The following GRM1 variants were observed in gnomAD, a reference collection of about 807,000 sequenced individuals.
GRM1 encodes metabotropic glutamate receptor 1.
In GRM1, 33 loss-of-function variants were observed where a neutral mutation model predicts 90.9. The ratio of observed to expected loss-of-function variants is 0.36; its 90% confidence interval spans 0.28 to 0.49. The LOEUF is 0.49. GRM1 is among the 20% of genes least tolerant of loss of function. The pLI, the probability that GRM1 is intolerant of heterozygous loss-of-function variation, is 0.99. For synonymous variants in GRM1, 700 were observed against 613.2 expected (o/e 1.14, Z -2.09); for missense variants, 1,190 against 1,534.3 (o/e 0.78, Z 3.75).
chr6:146,405,511 T>C (rs1253573538), intron 7 of GRM1, among the ~76,000 whole-genome samples: 1 of 152,206 alleles, frequency 6.6e-6, no homozygotes, highest in African/African-American at 2.4e-5. Context: ...AAAAGATGTG[T>C]ATTTTCTCAC....
intron 2 of GRM1, among the ~76,000 whole-genome samples, chr6:146,227,227 C>T (rs1186723012): frequency 1.3e-5 from 2 of 150,986 alleles, no homozygotes; most frequent in Non-Finnish European, 3.0e-5. Flanking sequence ...TATCTACACA[C>T]ATACACACAC....
intron 3 of GRM1, among the ~76,000 whole-genome samples, chr6:146,328,094 C>T (rs114326824): frequency 7.9e-5 from 12 of 152,268 alleles, no homozygotes; most frequent in African/African-American, 2.6e-4. Context: ...TTAGCCACAT[C>T]TGTCTATAGT....
intron 3 of GRM1, among the ~76,000 whole-genome samples, chr6:146,349,256 T>A (rs13210347): frequency 1.2e-4 from 17 of 142,652 alleles, no homozygotes; most frequent in Non-Finnish European, 1.5e-4. Context: ...ATTTTTTTTT[T>A]ATTTTTAGTA....
At chr6:146,216,989 T>C (rs1779893835) in intron 2 of GRM1, among the ~76,000 whole-genome samples, 1 of 152,146 alleles carries the variant, frequency 6.6e-6, no homozygotes, top group African/African-American at 2.4e-5. Context: ...GAACAAAGAT[T>C]ATTTATTGAG....
chr6:146,429,764 A>G (rs1292072976), intron 7 of GRM1, among the ~76,000 whole-genome samples: 1 of 152,012 alleles, frequency 6.6e-6, no homozygotes, highest in African/African-American at 2.4e-5. Context: ...GCTGGGACTC[A>G]ATGGTGTTTT....
chr6:146,140,127 TTC>T (rs1322489964), intron 1 of GRM1, among the ~76,000 whole-genome samples: 1 of 140,292 alleles, frequency 7.1e-6, no homozygotes, highest in Non-Finnish European at 1.5e-5. Flanking sequence ...CTTTCTTTCT[TTC>T]TTTCTTTCTT....
At chr6:146,307,732 T>C (rs1010905658) in intron 3 of GRM1, among the ~76,000 whole-genome samples, 9 of 152,294 alleles carry the variant, frequency 5.9e-5, no homozygotes, top group African/African-American at 2.2e-4. Context: ...ATTGGGTCAC[T>C]TCTAGTGGTT....
intron 2 of GRM1, among the ~76,000 whole-genome samples, chr6:146,295,727 A>G (rs1783153852): frequency 6.6e-6 from 1 of 152,048 alleles, no homozygotes; most frequent in Non-Finnish European, 1.5e-5. Flanking sequence ...TAGTGGGCAT[A>G]TTTTCTTTTT....
At chr6:146,120,812 T>A (rs921168430) in intron 1 of GRM1, among the ~76,000 whole-genome samples, 3 of 152,176 alleles carry the variant, frequency 2.0e-5, no homozygotes, top group Non-Finnish European at 2.9e-5. Context: ...TGGATAAGCT[T>A]TTTGATGGCT....
At chr6:146,404,260 C>A (rs1479175006) in intron 7 of GRM1, among the ~76,000 whole-genome samples, 3 of 152,004 alleles carry the variant, frequency 2.0e-5, no homozygotes, top group Non-Finnish European at 4.4e-5. Context: ...TTTATGTAAT[C>A]AATCATTGTT....
intron 1 of GRM1, among the ~76,000 whole-genome samples, chr6:146,142,912 C>A (rs1329187399): frequency 6.6e-6 from 1 of 152,184 alleles, no homozygotes; most frequent in African/African-American, 2.4e-5. Context: ...GGTACTTAGG[C>A]TGCAACACAA....
intron 2 of GRM1, among the ~76,000 whole-genome samples, chr6:146,216,190 T>A (rs979658206): frequency 1.3e-5 from 2 of 152,236 alleles, no homozygotes; most frequent in Non-Finnish European, 2.9e-5. Context: ...GTATTAGATT[T>A]GTCCAGTTGA....
Position 146,152,755 on chromosome 6 carries a change from G to A in GRM1, c.701-6593G>A, listed in dbSNP as rs543679334. Among the ~76,000 whole-genome samples the A allele has an allele frequency of 2.7e-3, 415 of 152,288 alleles. 1 individual carries two copies. The highest frequency in any genetic ancestry group is 9.6e-3 in the African/African-American group (399 of 41,562). On this transcript the variant is annotated intron_variant, in intron 1 of 7. Transcript: ENST00000282753. ...AACATTTCTTGGCAACTCTTAAAGG[G>A]CAGAGCACAGGGAATTTTTCAGGTT...
chr6:146,301,590 C>T (rs1783383461), intron 2 of GRM1, among the ~76,000 whole-genome samples: 1 of 152,130 alleles, frequency 6.6e-6, no homozygotes. Context: ...TAGGGAGAAA[C>T]ACACTTCAAC....
chr6:146,345,441 G>A (rs1381348953), intron 3 of GRM1, among the ~76,000 whole-genome samples: 1 of 152,178 alleles, frequency 6.6e-6, no homozygotes, highest in Non-Finnish European at 1.5e-5. Flanking sequence ...TTGGTTACCA[G>A]AAGATGTTAC....
At chr6:146,089,570 A>G (rs947090649) in intron 1 of GRM1, among the ~76,000 whole-genome samples, 2 of 152,180 alleles carry the variant, frequency 1.3e-5, no homozygotes, top group African/African-American at 4.8e-5. Flanking sequence ...TATTTTTGCC[A>G]CGGAAACAAT....
chr6:146,187,749 A>G (rs1428285315), intron 2 of GRM1, among the ~76,000 whole-genome samples: 1 of 151,638 alleles, frequency 6.6e-6, no homozygotes, highest in Non-Finnish European at 1.5e-5. Flanking sequence ...ATATATATAT[A>G]TATATAAAAT....
intron 1 of GRM1, among the ~76,000 whole-genome samples, chr6:146,089,320 G>C (rs1318292530): frequency 6.6e-6 from 1 of 152,090 alleles, no homozygotes; most frequent in African/African-American, 2.4e-5. Flanking sequence ...CCAGCAAACT[G>C]AGTGAGTCTG....
chr6:146,408,412 A>G (rs1777435237), intron 7 of GRM1, among the ~76,000 whole-genome samples: 1 of 152,166 alleles, frequency 6.6e-6, no homozygotes, highest in South Asian at 2.1e-4. Context: ...ATAAAAATGG[A>G]TAATAATAGT....
Sources: allele counts gnomAD v4.1 joint callset (sites outside exome capture counted in the v4.1 genomes callset), GRCh38; gene constraint gnomAD v4.1.1; transcripts MANE v1.5; gene names NCBI Gene and HGNC (gene_info 2026-07-23, HGNC 2026-07-21).